Variants in TUBGCP5 observed in about 807,000 individuals in gnomAD.
TUBGCP5 encodes the protein gamma-tubulin complex component 5.
Under a neutral mutation model 134.7 loss-of-function variants are expected in TUBGCP5, and 98 were observed. That is an observed-to-expected ratio of 0.73 (90% CI 0.62 to 0.86). The LOEUF (loss-of-function observed/expected upper bound fraction) is 0.86. Ranked by LOEUF, TUBGCP5 falls within the 40% of genes least tolerant of loss-of-function variation. The pLI is 0.00. For missense variants in TUBGCP5, 1,150 were observed against 1,244.8 expected, an observed-to-expected ratio of 0.92 and a Z score of 1.15; for synonymous variants, 456 against 431.4, an observed-to-expected ratio of 1.06 and a Z score of -0.71.
chr15:23,024,809 C>G lies in TUBGCP5; in HGVS notation c.849G>C (p.Lys283Asn), dbSNP rs1365343716. ...CATCTATCAACTGAAATATAAAGAG[C>G]TTTTTCACTCCTGAAAGTAACCTGA... is the stretch of plus-strand genomic sequence containing the variant. ...ETLWLLSGVKKLFIFQLIDGK... is the reference protein window; with the variant it reads ...ETLWLLSGVKNLFIFQLIDGK... The change falls in exon 9 of 23, where the codon AAG becomes AAC. Residue 283 changes from lysine to asparagine, a missense_variant. This residue lies in a region of TUBGCP5 where 453 missense variants were observed against 394.7 expected (regional missense o/e 1.15). Transcript: ENST00000615383. The G allele has an allele frequency of 1.3e-6, 2 of 1,593,398 alleles. No individual in the cohort carries two copies. The highest frequency in any genetic ancestry group is 1.7e-6 in the Non-Finnish European group (2 of 1,166,544).
chr15:23,018,585 C>CT (rs1555440130), intron 12 of TUBGCP5, among the ~76,000 whole-genome samples: 1 of 152,136 alleles, frequency 6.6e-6, no homozygotes, highest in African/African-American at 2.4e-5. Context: ...TTCCAGAACA[C>CT]TAAAGACTTA....
Position 23,039,495 on chromosome 15 carries a change from G to T in TUBGCP5, c.49C>A (p.Arg17Ser). Residue 17 changes from arginine to serine, a missense_variant, in exon 1 of 23, where the codon CGC (arginine) becomes AGC (serine). Physicochemically the swap from Arg to Ser is moderately radical, Grantham distance 110. This residue lies in a region of TUBGCP5 where 453 missense variants were observed against 394.7 expected (regional missense o/e 1.15). Coordinates refer to ENST00000615383, the MANE Select transcript of TUBGCP5 (RefSeq NM_052903.6). ...CCCCGGACGAGCTCCCGCACGTCGC[G>T]CTCCTGCTGCGCGTCCAACCGACTC... ...PWSRLDAQQERDVRELVRGVA... is the reference protein window; with the variant it reads ...PWSRLDAQQESDVRELVRGVA... 2.0e-6 allele frequency: 3 copies of T among 1,513,426 alleles called. No homozygotes were observed. Among genetic ancestry groups the T allele is most frequent in the Non-Finnish European group, 2.7e-6 (3 of 1,124,264 alleles). The allele number at this position is 1,513,426 out of a possible 1,614,324, so 93.7% of individuals were successfully genotyped here.
Position 23,006,068 on chromosome 15 carries a change from A to G in TUBGCP5, c.2517T>C (p.Asp839=). ...LQIKWAKYSL[D]VLLFGELVST... ...AAATCTTACCACCAAAAAGTAAAACATCCAGACTATATTTTGCCCACTTTA... is the reference window on the plus strand; with the variant it reads ...AAATCTTACCACCAAAAAGTAAAACGTCCAGACTATATTTTGCCCACTTTA... The change falls in exon 18 of 23, where the codon GAT becomes GAC. Residue 839 remains aspartate (D), a synonymous_variant. Transcript: ENST00000615383. 6.2e-7 allele frequency: 1 copy of G among 1,606,070 alleles called. No individual in the cohort carries two copies. The highest frequency in any genetic ancestry group is 8.5e-7 in the Non-Finnish European group (1 of 1,178,408).
At chr15:23,031,898 A>G (rs547447949) in intron 5 of TUBGCP5, 52 bp downstream of exon 5, 8 of 1,426,814 alleles carry the variant, frequency 5.6e-6, no homozygotes, top group African/African-American at 2.8e-5. Context: ...AAAATCATCT[A>G]TATCACCTGG....
At position 23,005,151 on chromosome 15, in the gene TUBGCP5, A is replaced by C. The variant is rs545894134; in HGVS notation, c.2712+281T>G. Among the ~76,000 whole-genome samples, 268 of 152,236 alleles carry C rather than the reference A, an allele frequency of 1.8e-3. 3 individuals are homozygous for C. Among genetic ancestry groups the C allele is most frequent in the African/African-American group, 5.5e-3 (228 of 41,542 alleles). On this transcript the variant is annotated intron_variant, in intron 19 of 22. Coordinates refer to ENST00000615383, the MANE Select transcript of TUBGCP5 (RefSeq NM_052903.6). ...CACCACTATTGAAACCTAAAGGACT[A>C]TGCGGCACATTCTGAAGGCAATTCC...
At chr15:23,009,669 A>G (rs2064924510) in intron 15 of TUBGCP5, among the ~76,000 whole-genome samples, 1 of 152,192 alleles carries the variant, frequency 6.6e-6, no homozygotes. Context: ...ATCTATCACT[A>G]AGTAATTTAG....
chr15:23,035,486 T>C (rs188094486), intron 3 of TUBGCP5, among the ~76,000 whole-genome samples: 2 of 152,184 alleles, frequency 1.3e-5, no homozygotes, highest in East Asian at 1.9e-4. Flanking sequence ...CCTCAGATCA[T>C]TAGGCATTAG....
chr15:23,001,345 CTT>C (rs146709092), intron 21 of TUBGCP5, among the ~76,000 whole-genome samples: 4 of 141,292 alleles, frequency 2.8e-5, no homozygotes, highest in African/African-American at 2.6e-5. Context: ...GCCTGGCTGC[CTT>C]TTTTTTTTTT....
At chr15:23,020,310 G>GGCAGGAGAATAGTTTGAAC (rs1251818718) in intron 11 of TUBGCP5, among the ~76,000 whole-genome samples, 1 of 152,106 alleles carries the variant, frequency 6.6e-6, no homozygotes, top group Non-Finnish European at 1.5e-5. Flanking sequence ...AGGAGGCTAA[G>GGCAGGAGAATAGTTTGAAC]GCAGGAGAAT....
intron 15 of TUBGCP5, 43 bp from the exon 16 acceptor site, chr15:23,008,924 C>G (rs774127629): frequency 1.4e-6 from 2 of 1,470,816 alleles, no homozygotes; most frequent in Non-Finnish European, 1.8e-6. Context: ...CTCTGGCATT[C>G]GTAAGGCAGG....
chr15:23,000,498 C>A, intron 22 of TUBGCP5, 71 bp downstream of exon 22: 1 of 1,564,128 alleles, frequency 6.4e-7, no homozygotes, highest in Non-Finnish European at 8.6e-7. Flanking sequence ...GGATCAGTAA[C>A]AAAACAATGA....
At position 23,020,873 on chromosome 15, in the gene TUBGCP5, G is replaced by A. The variant is rs149477171; in HGVS notation, c.1371+1086C>T. On this transcript the variant is annotated intron_variant, in intron 11 of 22. Coordinates refer to ENST00000615383, the MANE Select transcript of TUBGCP5 (RefSeq NM_052903.6). ...CCTGCCTTAGCCTCTCGAGTACCTG[G>A]GACCATAGGCATGTGCCTCCAGAGC... is the stretch of plus-strand genomic sequence containing the variant. 1.3e-3 allele frequency among the ~76,000 whole-genome samples: 200 copies of A among 152,172 alleles called. 1 individual carries two copies. The highest frequency in any genetic ancestry group is 6.8e-3 in the Middle Eastern group (2 of 294).
intron 1 of TUBGCP5, 76 bp downstream of exon 1, chr15:23,039,322 G>C (rs922775389): frequency 4.9e-6 from 6 of 1,234,414 alleles, no homozygotes; most frequent in Non-Finnish European, 6.1e-6. Context: ...AGCGCGCCCC[G>C]ACCCCGGGCT....
chr15:23,006,002 G>C (rs1429747589), intron 18 of TUBGCP5, 50 bp downstream of exon 18: 1 of 1,531,956 alleles, frequency 6.5e-7, no homozygotes, highest in Admixed American at 2.3e-5. Context: ...CTTTTATTAA[G>C]GGCTAAAATT....
downstream of TUBGCP5, among the ~76,000 whole-genome samples, chr15:22,998,294 AAC>A (rs2064188409): frequency 6.6e-6 from 1 of 152,112 alleles, no homozygotes; most frequent in South Asian, 2.1e-4. Flanking sequence ...CAGCCTAGGT[AAC>A]AGAGTGAGCC....
At chr15:23,025,444 T>C (rs1045774735) in intron 8 of TUBGCP5, among the ~76,000 whole-genome samples, 2 of 152,186 alleles carry the variant, frequency 1.3e-5, no homozygotes, top group African/African-American at 4.8e-5. Flanking sequence ...GCACCAGGAC[T>C]TGGAATTTCA....
intron 21 of TUBGCP5, among the ~76,000 whole-genome samples, chr15:23,000,900 T>C (rs961123582): frequency 2.6e-5 from 4 of 152,162 alleles, no homozygotes; most frequent in Non-Finnish European, 4.4e-5. Context: ...TTCCAGATAG[T>C]ATCTAGTTCT....
chr15:23,018,121 C>G, intron 12 of TUBGCP5, 80 bp from the exon 13 acceptor site: 1 of 1,356,160 alleles, frequency 7.4e-7, no homozygotes, highest in Non-Finnish European at 1.0e-6. Flanking sequence ...GTTGTCCAGA[C>G]ATTATAAAAC....
At chr15:23,021,888 A>G in intron 11 of TUBGCP5, 71 bp downstream of exon 11, 1 of 1,458,104 alleles carries the variant, frequency 6.9e-7, no homozygotes, top group South Asian at 1.1e-5. Context: ...ACAAAGAACT[A>G]CCATCAGCTG....
Sources: allele counts gnomAD v4.1 joint callset (sites outside exome capture counted in the v4.1 genomes callset), GRCh38; gene constraint gnomAD v4.1.1; regional missense constraint gnomAD v4.1.1; transcripts MANE v1.5; gene names NCBI Gene and HGNC (gene_info 2026-07-23, HGNC 2026-07-21).